The following GTF2E2 variants were observed in gnomAD, a reference collection of about 807,000 sequenced individuals.
GTF2E2 encodes transcription initiation factor IIE subunit beta.
A neutral mutation model predicts 40.5 loss-of-function variants in GTF2E2; 21 were observed. The observed-to-expected ratio is 0.52, with a 90% CI of 0.37 to 0.75. The LOEUF (loss-of-function observed/expected upper bound fraction) is 0.75, where lower values mean the gene tolerates loss of function less well. GTF2E2 is among the 30% of genes least tolerant of loss of function. The pLI, the probability that GTF2E2 is intolerant of heterozygous loss-of-function variation, is 0.00. For missense variants in GTF2E2, 298 were observed against 338.4 expected (o/e 0.88, Z 0.94); for synonymous variants, 117 against 121.6 (o/e 0.96, Z 0.25).
rs1196082483 is a variant in GTF2E2 at position 30,653,611 on chromosome 8, A to G, written c.-4-9T>C. 4 of 1,599,534 alleles carry G rather than the reference A, an allele frequency of 2.5e-6. No homozygotes were observed. Among genetic ancestry groups the G allele is most frequent in the Non-Finnish European group, 2.6e-6 (3 of 1,173,390 alleles). On this transcript the variant is annotated splice_polypyrimidine_tract_variant and intron_variant, in intron 1 of 7. Coordinates refer to ENST00000355904, the MANE Select transcript of GTF2E2 (RefSeq NM_002095.6). The stretch of plus-strand genomic sequence containing the variant: ...GGCTTGGATCCATAATGCTACAAAG[A>G]AAAAATAAGTGTCTTTAATACAAAT...
intron 6 of GTF2E2, chr8:30,596,982 C>T (rs1244464837): frequency 6.6e-6 from 1 of 152,504 alleles, no homozygotes; most frequent in Non-Finnish European, 1.5e-5. Flanking sequence ...TTTTACGCTG[C>T]ATCTGAGCTG....
chr8:30,582,888 A>G (rs1828553624), intron 6 of GTF2E2, among the ~76,000 whole-genome samples: 1 of 152,202 alleles, frequency 6.6e-6, no homozygotes, highest in Non-Finnish European at 1.5e-5. Flanking sequence ...ATTAATGGAG[A>G]GATATTTTCA....
At chr8:30,621,305 AATGACAGAAGTAATAATC>A (rs1801094778) in intron 3 of GTF2E2, among the ~76,000 whole-genome samples, 2 of 152,090 alleles carry the variant, frequency 1.3e-5, no homozygotes, top group Non-Finnish European at 2.9e-5. Context: ...GAAAAAAATC[AATGACAGAAGTAATAATC>A]AATGCATGAA....
At chr8:30,616,846 T>C (rs926776006) in intron 3 of GTF2E2, among the ~76,000 whole-genome samples, 44 of 152,036 alleles carry the variant, frequency 2.9e-4, no homozygotes, top group African/African-American at 1.0e-3. Flanking sequence ...AAGAAAAAAG[T>C]ATGTATGTTA....
chr8:30,629,119 T>G lies in GTF2E2; in HGVS notation c.258+5913A>C, dbSNP rs899932597. ...GGACATATATATTCATATCTTATAT[T>G]TGAACAGATTAAATTGGTTCATATA... On this transcript the variant is annotated intron_variant, in intron 3 of 7. Transcript: ENST00000355904. Among the ~76,000 whole-genome samples the G allele has an allele frequency of 5.3e-5, 8 of 152,208 alleles. No homozygotes were observed. In the East Asian group the frequency reaches 1.5e-3, roughly 29 times the overall value.
intron 6 of GTF2E2, among the ~76,000 whole-genome samples, chr8:30,602,941 T>C (rs1829224518): frequency 6.6e-6 from 1 of 152,172 alleles, no homozygotes; most frequent in South Asian, 2.1e-4. Context: ...TTTTCCTGTT[T>C]TGGCTTATTT....
chr8:30,616,563 C>T (rs1047357610), intron 3 of GTF2E2, among the ~76,000 whole-genome samples: 2 of 152,022 alleles, frequency 1.3e-5, no homozygotes, highest in Non-Finnish European at 2.9e-5. Flanking sequence ...CAGGAGGATA[C>T]TAGAGTGGTG....
At chr8:30,612,274 G>C (rs375579130) in intron 5 of GTF2E2, 25 bp downstream of exon 5, 2 of 1,378,014 alleles carry the variant, frequency 1.5e-6, no homozygotes, top group African/African-American at 2.8e-5. Context: ...ATTATATTAA[G>C]ACATAGAAAG....
chr8:30,650,758 G>C (rs1026827597), intron 2 of GTF2E2, among the ~76,000 whole-genome samples: 7 of 150,260 alleles, frequency 4.7e-5, no homozygotes, highest in Non-Finnish European at 8.9e-5. Flanking sequence ...GCTCACGCCT[G>C]TAATCCCAGC....
intron 6 of GTF2E2, among the ~76,000 whole-genome samples, chr8:30,602,525 G>A (rs1829211439): frequency 6.6e-6 from 1 of 152,058 alleles, no homozygotes; most frequent in Non-Finnish European, 1.5e-5. Context: ...GGGAGGCCAA[G>A]GCAAACAGAT....
intron 2 of GTF2E2, among the ~76,000 whole-genome samples, chr8:30,647,537 TGCCATCGCACTCCA>T (rs1563510309): frequency 6.6e-6 from 1 of 152,172 alleles, no homozygotes; most frequent in Non-Finnish European, 1.5e-5. Context: ...GCTGAGATCA[TGCCATCGCACTCCA>T]GCCTGAACAA....
intron 1 of GTF2E2, among the ~76,000 whole-genome samples, chr8:30,654,617 C>T (rs1802398079): frequency 6.6e-6 from 1 of 152,044 alleles, no homozygotes; most frequent in Admixed American, 6.6e-5. Context: ...GTTGCCCAGG[C>T]TGGTCTTGAA....
At chr8:30,650,011 C>G (rs1216721215) in intron 2 of GTF2E2, among the ~76,000 whole-genome samples, 3 of 152,158 alleles carry the variant, frequency 2.0e-5, no homozygotes, top group Non-Finnish European at 1.5e-5. Flanking sequence ...CCAGTGAATT[C>G]TATCAAACAT....
intron 3 of GTF2E2, among the ~76,000 whole-genome samples, chr8:30,619,679 G>A (rs1055503891): frequency 5.3e-5 from 8 of 151,968 alleles, no homozygotes; most frequent in African/African-American, 1.9e-4. Context: ...GAGCCACTGC[G>A]CCTGGCCAAA....
chr8:30,598,321 C>T (rs553539869), intron 6 of GTF2E2, among the ~76,000 whole-genome samples: 31 of 152,268 alleles, frequency 2.0e-4, no homozygotes, highest in African/African-American at 3.4e-4. Context: ...ATGACACAAT[C>T]GCAGAGGTAA....
At chr8:30,593,196 A>G (rs950327010) in intron 6 of GTF2E2, among the ~76,000 whole-genome samples, 2 of 152,194 alleles carry the variant, frequency 1.3e-5, no homozygotes. Flanking sequence ...GTCTCAAAAG[A>G]GAAAAAAAGG....
chr8:30,579,165 C>G, intron 7 of GTF2E2, 128 bp from the exon 8 acceptor site: 1 of 677,068 alleles, frequency 1.5e-6, no homozygotes, highest in Non-Finnish European at 2.7e-6. Flanking sequence ...CCTGCTCTGC[C>G]ACCCAGCAGC....
chr8:30,604,555 T>C (rs1829268156), intron 6 of GTF2E2, among the ~76,000 whole-genome samples: 1 of 152,218 alleles, frequency 6.6e-6, no homozygotes, highest in African/African-American at 2.4e-5. Context: ...CATACATCGT[T>C]ATGGAATATT....
chr8:30,627,824 T>C (rs1050280789), intron 3 of GTF2E2, among the ~76,000 whole-genome samples: 6 of 152,224 alleles, frequency 3.9e-5, no homozygotes, highest in Non-Finnish European at 5.9e-5. Flanking sequence ...AATTACAAAG[T>C]ACTTTCAAGA....
Sources: gnomAD v4.1 joint callset for allele counts (sites outside exome capture counted in the v4.1 genomes callset) on GRCh38, gnomAD v4.1.1 for gene constraint, MANE v1.5 for transcripts, NCBI Gene and HGNC (gene_info 2026-07-23, HGNC 2026-07-21) for gene names.